Variants in CFAP70 observed in about 807,000 individuals in gnomAD.
The protein encoded by CFAP70 is cilia- and flagella-associated protein 70.
Under a neutral mutation model 137.6 loss-of-function variants are expected in CFAP70, and 81 were observed. The ratio of observed to expected loss-of-function variants is 0.59; its 90% CI spans 0.49 to 0.71. The LOEUF is 0.71. Ranked by LOEUF, CFAP70 falls within the 30% of genes least tolerant of loss-of-function variation. The probability of loss-of-function intolerance (pLI) is 0.00; values close to 1 mark genes in which losing one functional copy is unlikely to be tolerated. For missense variants in CFAP70, 976 were observed against 1,226.7 expected, an observed-to-expected ratio of 0.80 and a Z score of 3.05; for synonymous variants, 382 against 423.6, an observed-to-expected ratio of 0.90 and a Z score of 1.20.
intron 19 of CFAP70, among the ~76,000 whole-genome samples, chr10:73,290,500 A>G (rs150868531): frequency 6.6e-6 from 1 of 152,344 alleles, no homozygotes; most frequent in African/African-American, 2.4e-5. Flanking sequence ...GATTGTGTAC[A>G]TATGTCAAAA....
chr10:73,334,856 T>C (rs1388807016), intron 7 of CFAP70, among the ~76,000 whole-genome samples: 1 of 151,150 alleles, frequency 6.6e-6, no homozygotes, highest in Non-Finnish European at 1.5e-5. Context: ...GGGATTACAG[T>C]TGTGAGCCAT....
chr10:73,284,768 A>C lies in CFAP70; in HGVS notation c.2240-6431T>G, dbSNP rs1306927455. ...TATATATATATATATATATATATAT[A>C]TATATATATATATATATATATATAT... On this transcript the variant is annotated intron_variant, in intron 19 of 26. Coordinates refer to ENST00000310715, the Ensembl canonical transcript of CFAP70. 3.6e-3 allele frequency among the ~76,000 whole-genome samples: 134 copies of C among 37,010 alleles called. 6 individuals carry two copies. The highest frequency in any genetic ancestry group is 0.016 in the African/African-American group (127 of 7,842). The allele number at this position is 37,010 out of a possible 152,430, so 24.3% of individuals were successfully genotyped here. A position where few individuals can be genotyped will look rare whatever the true frequency, so the allele number is the denominator to read the frequency against.
intron 15 of CFAP70, 153 bp from the exon 17 acceptor site, chr10:73,293,541 A>G (rs2048327541): frequency 1.7e-6 from 1 of 576,594 alleles, no homozygotes; most frequent in Admixed American, 3.7e-5. Context: ...AAGTAAAAGA[A>G]TAAGAGTGAA....
At chr10:73,304,925 A>G (rs953483209) in intron 12 of CFAP70, among the ~76,000 whole-genome samples, 3 of 152,132 alleles carry the variant, frequency 2.0e-5, no homozygotes, top group Non-Finnish European at 2.9e-5. Flanking sequence ...AAGGGTTTAC[A>G]GTAACAAAGA....
exon 15 of CFAP70, chr10:73,297,096 A>C: frequency 6.2e-7 from 1 of 1,613,918 alleles, no homozygotes. Flanking sequence ...GCTCACTGAT[A>C]AATGTCTGAA....
chr10:73,277,310 TA>T lies in CFAP70; in HGVS notation c.2449del (p.Tyr817MetfsTer17), dbSNP rs1564770502. ...GATGGTGGTAGTTTGAGAAACACCA[TA>T]ATGAAGGCCGGGATGCAGAAGAGCT... On this transcript the variant is annotated frameshift_variant, in exon 21 of 27. Transcript: ENST00000310715. LOFTEE classifies it high-confidence loss of function. The T allele has an allele frequency of 2.5e-6, 4 of 1,614,044 alleles. No individual in the cohort carries two copies. The highest frequency in any genetic ancestry group is 3.3e-5 in the Admixed American group (2 of 60,008).
intron 5 of CFAP70, among the ~76,000 whole-genome samples, chr10:73,343,717 A>G (rs1402281196): frequency 6.6e-6 from 1 of 152,136 alleles, no homozygotes; most frequent in Non-Finnish European, 1.5e-5. Flanking sequence ...TCCATCTCCA[A>G]AAGCAAAGCA....
chr10:73,312,867 A>C (rs2132106224), intron 9 of CFAP70, among the ~76,000 whole-genome samples: 1 of 152,324 alleles, frequency 6.6e-6, no homozygotes, highest in Middle Eastern at 3.4e-3. Flanking sequence ...GATTTAAAGG[A>C]GACCTTACAA....
At chr10:73,258,400 T>C (rs1042124522) in intron 25 of CFAP70, among the ~76,000 whole-genome samples, 2 of 152,266 alleles carry the variant, frequency 1.3e-5, no homozygotes, top group African/African-American at 4.8e-5. Context: ...ACTCTTATAA[T>C]TTCCTATGCC....
chr10:73,303,311 G>A (rs1400431301), intron 12 of CFAP70, among the ~76,000 whole-genome samples: 1 of 152,122 alleles, frequency 6.6e-6, no homozygotes, highest in Non-Finnish European at 1.5e-5. Context: ...TCTGCCTCCT[G>A]GGTTCACACC....
intron 9 of CFAP70, among the ~76,000 whole-genome samples, chr10:73,321,777 TTC>T (rs2050874252): frequency 6.6e-6 from 1 of 152,260 alleles, no homozygotes; most frequent in African/African-American, 2.4e-5. Flanking sequence ...GACTTTTTTT[TTC>T]TTTTTCTTAT....
At chr10:73,266,306 C>T (rs1373645696) in intron 25 of CFAP70, among the ~76,000 whole-genome samples, 1 of 152,186 alleles carries the variant, frequency 6.6e-6, no homozygotes, top group Non-Finnish European at 1.5e-5. Flanking sequence ...TCCCTATACA[C>T]CCTGTTCCCC....
chr10:73,280,648 G>C (rs1023094917), intron 19 of CFAP70, among the ~76,000 whole-genome samples: 1 of 152,084 alleles, frequency 6.6e-6, no homozygotes, highest in Non-Finnish European at 1.5e-5. Context: ...CATTTTGTTA[G>C]TTTATGTCTG....
intron 25 of CFAP70, among the ~76,000 whole-genome samples, chr10:73,264,393 CAT>C (rs1299704267): frequency 6.6e-6 from 1 of 152,214 alleles, no homozygotes; most frequent in African/African-American, 2.4e-5. Flanking sequence ...TATAAATACA[CAT>C]ATATTTCTAT....
At chr10:73,308,529 G>C (rs2049599320) in intron 12 of CFAP70, among the ~76,000 whole-genome samples, 1 of 151,620 alleles carries the variant, frequency 6.6e-6, no homozygotes, top group South Asian at 2.1e-4. Flanking sequence ...TCAGGAGGCT[G>C]AGGCAGGAGA....
At chr10:73,291,739 C>T (rs371522792) in exon 18 of CFAP70, 7 of 1,614,020 alleles carry the variant, frequency 4.3e-6, no homozygotes, top group Non-Finnish European at 4.2e-6. Context: ...ACAGCCAGGA[C>T]ACCACACAGC....
chr10:73,254,646 A>T (rs1014331875), intron 26 of CFAP70, among the ~76,000 whole-genome samples: 5 of 152,256 alleles, frequency 3.3e-5, no homozygotes, highest in African/African-American at 1.2e-4. Flanking sequence ...TGTAAACTAA[A>T]GTCATTGGGT....
Position 73,310,252 on chromosome 10 carries a change from G to A in CFAP70, c.1165-3C>T. The A allele has an allele frequency of 1.9e-6, 3 of 1,589,250 alleles. No homozygotes were observed. The highest frequency in any genetic ancestry group is 1.1e-5 in the South Asian group (1 of 86,974). ...TATGTCCCTGCTTCTACATATTGCT[G>A]TAAAGACATTGTTTTCTTATTATTT... On this transcript the variant is annotated splice_region_variant and splice_polypyrimidine_tract_variant and intron_variant, in intron 11 of 26. Coordinates refer to ENST00000310715, the Ensembl canonical transcript of CFAP70.
intron 6 of CFAP70, among the ~76,000 whole-genome samples, chr10:73,340,625 G>A (rs1349846366): frequency 6.6e-6 from 1 of 152,224 alleles, no homozygotes; most frequent in African/African-American, 2.4e-5. Flanking sequence ...CCCATGCCAA[G>A]CTGCCCTCAG....
Sources: gnomAD v4.1 joint callset for allele counts (sites outside exome capture counted in the v4.1 genomes callset) on GRCh38, gnomAD v4.1.1 for gene constraint, MANE v1.5 for transcripts, NCBI Gene and HGNC (gene_info 2026-07-23, HGNC 2026-07-21) for gene names.